The following CDH23 variants were observed in gnomAD, a reference collection of about 807,000 sequenced individuals.
The protein encoded by CDH23 is cadherin-23.
A neutral mutation model predicts 317.1 loss-of-function variants in CDH23; 189 were observed. The ratio of observed to expected loss-of-function variants is 0.60; its 90% CI spans 0.53 to 0.67. CDH23 has a LOEUF of 0.67. Ranked by LOEUF, CDH23 falls within the 30% of genes least tolerant of loss-of-function variation. The pLI, the probability that CDH23 is intolerant of heterozygous loss-of-function variation, is 0.00. For synonymous variants in CDH23, 1,839 were observed against 1,876.8 expected, an observed-to-expected ratio of 0.98 and a Z score of 0.52; for missense variants, 4,401 against 4,592.4, an observed-to-expected ratio of 0.96 and a Z score of 1.20.
At chr10:71,784,532 G>A (rs1380305964) in intron 42 of CDH23, 112 bp downstream of exon 42, 7 of 1,436,418 alleles carry the variant, frequency 4.9e-6, no homozygotes, top group Non-Finnish European at 5.6e-6. Context: ...GGCTGCCCTG[G>A]AGCCAGGCCA....
At chr10:71,659,960 G>GT (rs5786047) in intron 14 of CDH23, among the ~76,000 whole-genome samples, 36,913 of 119,356 alleles carry the variant, frequency 0.31, 6,332 homozygotes, top group Non-Finnish European at 0.36. Flanking sequence ...CTTTCTTTCC[G>GT]TTTTTTTTTT....
At chr10:71,488,703 G>T (rs1852484586) in intron 3 of CDH23, among the ~76,000 whole-genome samples, 2 of 152,172 alleles carry the variant, frequency 1.3e-5, no homozygotes, top group Admixed American at 6.5e-5. Context: ...TGCCTTAAAC[G>T]GGACATATGT....
At chr10:71,526,858 A>T (rs1855066903) in intron 6 of CDH23, among the ~76,000 whole-genome samples, 1 of 152,140 alleles carries the variant, frequency 6.6e-6, no homozygotes, top group South Asian at 2.1e-4. Flanking sequence ...CAGAGCAGAG[A>T]TGGGATGTGG....
chr10:71,713,217 C>G, intron 28 of CDH23: 1 of 779,152 alleles, frequency 1.3e-6, no homozygotes, highest in Admixed American at 1.7e-5. Flanking sequence ...GGCCGAGGCT[C>G]CCCTCTTGGG....
At chr10:71,713,511 G>A (rs1220927421) in intron 28 of CDH23, 4 of 543,170 alleles carry the variant, frequency 7.4e-6, no homozygotes, top group Non-Finnish European at 1.3e-5. Flanking sequence ...TGGGAGGCTG[G>A]CAATGCTCCC....
chr10:71,518,702 C>T lies in CDH23; in HGVS notation c.429+7490C>T, dbSNP rs369516703. Among the ~76,000 whole-genome samples, 7 of 152,348 alleles carry T rather than the reference C, an allele frequency of 4.6e-5. No individual in the cohort carries two copies. In the South Asian group the frequency reaches 1.4e-3, roughly 32 times the overall value. On this transcript the variant is annotated intron_variant, in intron 6 of 69. Coordinates refer to ENST00000224721, the MANE Select transcript of CDH23 (RefSeq NM_022124.6). ...CTTCCCCTGCCCACACACACACAGG[C>T]TAAATGCCAGCCTGCTCCCCTTGCC...
chr10:71,507,040 T>C (rs926214856), intron 3 of CDH23, among the ~76,000 whole-genome samples: 6 of 152,318 alleles, frequency 3.9e-5, no homozygotes, highest in Admixed American at 2.6e-4. Context: ...GGCCCAGTTG[T>C]GCAACCTTGG....
At chr10:71,736,837 CA>C (rs1281611508) in intron 34 of CDH23, among the ~76,000 whole-genome samples, 2 of 152,216 alleles carry the variant, frequency 1.3e-5, no homozygotes, top group Non-Finnish European at 2.9e-5. Flanking sequence ...ATGATCACAG[CA>C]GTAAATGTAT....
chr10:71,502,022 A>G (rs115461348), intron 3 of CDH23, among the ~76,000 whole-genome samples: 2,607 of 152,296 alleles, frequency 0.017, 59 homozygotes, highest in African/African-American at 0.054. Flanking sequence ...ACACATGCAT[A>G]GCTCTATCCC....
intron 3 of CDH23, among the ~76,000 whole-genome samples, chr10:71,450,881 G>C (rs1321884821): frequency 6.6e-6 from 1 of 151,958 alleles, no homozygotes; most frequent in African/African-American, 2.4e-5. Context: ...TTTCTGTCTG[G>C]GCTGCTCTCA....
chr10:71,560,036 G>A lies in CDH23; in HGVS notation c.430-6706G>A, dbSNP rs1435295109. Among the ~76,000 whole-genome samples, 18 of 152,018 alleles carry A rather than the reference G, an allele frequency of 1.2e-4. 1 individual carries two copies. Among genetic ancestry groups the A allele is most frequent in the Admixed American group, 1.2e-3 (18 of 15,260 alleles). On this transcript the variant is annotated intron_variant, in intron 6 of 69. Coordinates refer to ENST00000224721, the MANE Select transcript of CDH23 (RefSeq NM_022124.6). ...GGACCTCGTCCTCCTGCGCTCAAGT[G>A]CCTTCCTGCCTATTTGAGAAAGAAA...
intron 38 of CDH23, among the ~76,000 whole-genome samples, chr10:71,745,356 C>A (rs1564771389): frequency 6.6e-6 from 1 of 152,176 alleles, no homozygotes; most frequent in East Asian, 1.9e-4. Context: ...GGCTGAAGAG[C>A]AAGCAATAAT....
At chr10:71,775,490 C>T (rs772140795) in intron 38 of CDH23, among the ~76,000 whole-genome samples, 20 of 152,350 alleles carry the variant, frequency 1.3e-4, no homozygotes, top group Non-Finnish European at 2.8e-4. Flanking sequence ...ACCACTGAGC[C>T]TCCTGGGGTT....
chr10:71,807,851 G>A lies in CDH23; in HGVS notation c.8566G>A (p.Ala2856Thr). ...CCACCTGCCTCTTCCTGCAGGGGTG[G>A]CCACCGACGCCAAGGTGGGCTCAGA... ...FTKAEYTAGV[A>T]TDAKVGSELI... The change falls in exon 60 of 70, where the codon GCC (alanine) becomes ACC (threonine). Residue 2856 changes from alanine (A) to threonine (T), a missense_variant. Around this residue, in one of 3 missense-constraint regions of CDH23, gnomAD observed 1,144 missense variants for 1,138.2 expected, o/e 1.01. Transcript: ENST00000224721. 1 of 1,600,212 alleles carries A rather than the reference G, an allele frequency of 6.2e-7. No homozygotes were observed. The highest frequency in any genetic ancestry group is 8.5e-7 in the Non-Finnish European group (1 of 1,173,344).
At position 71,486,994 on chromosome 10, in the gene CDH23, G is replaced by A. The variant is rs530136752; in HGVS notation, c.146-23088G>A. On this transcript the variant is annotated intron_variant, in intron 3 of 69. Coordinates refer to ENST00000224721, the MANE Select transcript of CDH23 (RefSeq NM_022124.6). ...TGGGCACAGACTGCCCACTGGGAGG[G>A]ACACAACCCTGGGCCAGGCATATGC... 3.3e-5 allele frequency among the ~76,000 whole-genome samples: 5 copies of A among 152,220 alleles called. No individual in the cohort carries two copies. The South Asian group carries it at 1.0e-3, about 32-fold the overall frequency.
chr10:71,783,634 G>A (rs929200184), intron 41 of CDH23, among the ~76,000 whole-genome samples: 1 of 152,216 alleles, frequency 6.6e-6, no homozygotes, highest in Non-Finnish European at 1.5e-5. Context: ...GGGCCACAGG[G>A]CCAGCGGGGC....
chr10:71,453,805 A>T (rs564619997), intron 3 of CDH23, among the ~76,000 whole-genome samples: 1 of 152,220 alleles, frequency 6.6e-6, no homozygotes, highest in Non-Finnish European at 1.5e-5. Flanking sequence ...TTGTGGGGCT[A>T]AAGGGACGGG....
At chr10:71,758,583 G>A (rs955100641) in intron 38 of CDH23, among the ~76,000 whole-genome samples, 2 of 152,246 alleles carry the variant, frequency 1.3e-5, no homozygotes, top group African/African-American at 4.8e-5. Context: ...CTGGGAAGAA[G>A]GTGAGTATGC....
intron 11 of CDH23, among the ~76,000 whole-genome samples, chr10:71,631,789 T>G (rs995067371): frequency 6.6e-6 from 1 of 152,158 alleles, no homozygotes; most frequent in African/African-American, 2.4e-5. Flanking sequence ...TCAGATATGC[T>G]AAATAGTCCT....
Sources: gnomAD v4.1 joint callset for allele counts (sites outside exome capture counted in the v4.1 genomes callset) on GRCh38, gnomAD v4.1.1 for gene constraint, gnomAD v4.1.1 regional missense constraint, MANE v1.5 for transcripts, NCBI Gene and HGNC (gene_info 2026-07-23, HGNC 2026-07-21) for gene names.